TMEM74: variants seen among roughly 807,000 people sequenced by gnomAD.
The protein encoded by TMEM74 is transmembrane protein 74.
In TMEM74, 13 loss-of-function variants were observed where a neutral mutation model predicts 18.1. The ratio of observed to expected loss-of-function variants is 0.72; its 90% CI spans 0.47 to 1.14. TMEM74 has a LOEUF of 1.14. Among genes scored for constraint, TMEM74 ranks in the 50% most tolerant of loss-of-function variants. The pLI is 0.00. For synonymous variants in TMEM74, 159 were observed against 146.6 expected, an observed-to-expected ratio of 1.08 and a Z score of -0.61; for missense variants, 372 against 375.9, an observed-to-expected ratio of 0.99 and a Z score of 0.09.
intron 1 of TMEM74, among the ~76,000 whole-genome samples, chr8:108,766,329 T>C (rs900104608): frequency 2.0e-5 from 3 of 152,288 alleles, no homozygotes; most frequent in Non-Finnish European, 2.9e-5. Flanking sequence ...GGGAATGTTC[T>C]TTGTAGAGGC....
intron 1 of TMEM74, among the ~76,000 whole-genome samples, chr8:108,715,291 G>A (rs1813512580): frequency 1.3e-5 from 2 of 151,728 alleles, no homozygotes; most frequent in South Asian, 2.1e-4. Context: ...GGAGGGAGGC[G>A]AGGGCTAAAA....
rs967670235 is a variant in TMEM74 at position 108,781,311 on chromosome 8, C to A, written c.*2870G>T. 6.6e-6 allele frequency among the ~76,000 whole-genome samples: 1 copy of A among 152,146 alleles called. No homozygotes were observed. Among genetic ancestry groups the A allele is most frequent in the Non-Finnish European group, 1.5e-5 (1 of 68,030 alleles). On this transcript the variant is annotated 3_prime_UTR_variant, in exon 2 of 2. Coordinates refer to ENST00000297459, the MANE Select transcript of TMEM74 (RefSeq NM_153015.3). The stretch of plus-strand genomic sequence containing the variant: ...AGACCAAAACTATAGGTATTGTATG[C>A]CCAATGTCTATAGAATGCATCACCT...
At chr8:108,633,438 G>A (rs73702117) in intron 2 of TMEM74, among the ~76,000 whole-genome samples, 3,107 of 151,972 alleles carry the variant, frequency 0.02, 102 homozygotes, top group African/African-American at 0.071. Flanking sequence ...TAGGTTGGTT[G>A]GTAATGAATA....
intron 2 of TMEM74, among the ~76,000 whole-genome samples, chr8:108,609,973 A>T (rs1301901465): frequency 6.6e-6 from 1 of 152,230 alleles, no homozygotes; most frequent in Admixed American, 6.5e-5. Flanking sequence ...GAAGAAAGAT[A>T]GTAAGAAAAT....
chr8:108,676,766 C>T (rs1201204037), intron 1 of TMEM74, among the ~76,000 whole-genome samples: 2 of 152,118 alleles, frequency 1.3e-5, no homozygotes, highest in Non-Finnish European at 2.9e-5. Context: ...AAAATCTCAC[C>T]TGCAACAATG....
At chr8:108,681,156 GA>G (rs1331400717) in intron 1 of TMEM74, among the ~76,000 whole-genome samples, 2 of 152,094 alleles carry the variant, frequency 1.3e-5, no homozygotes, top group African/African-American at 4.8e-5. Context: ...CACAGAATTG[GA>G]AAAAACTACT....
chr8:108,652,950 A>C (rs993603850), intron 2 of TMEM74: 1 of 299,144 alleles, frequency 3.3e-6, no homozygotes, highest in East Asian at 9.6e-5. Context: ...GACTTGCTAG[A>C]CATAAAAGAA....
chr8:108,712,250 A>C (rs1813482109), intron 1 of TMEM74, among the ~76,000 whole-genome samples: 1 of 152,090 alleles, frequency 6.6e-6, no homozygotes, highest in East Asian at 1.9e-4. Context: ...TCCAATGCCA[A>C]CTCTTTAGGG....
intron 1 of TMEM74, among the ~76,000 whole-genome samples, chr8:108,682,522 G>T (rs1813126220): frequency 2.6e-5 from 4 of 151,956 alleles, no homozygotes; most frequent in Admixed American, 2.6e-4. Context: ...TAGCAACCAT[G>T]TTTATTTGGT....
chr8:108,699,725 T>A (rs938398991), intron 1 of TMEM74, among the ~76,000 whole-genome samples: 3 of 152,178 alleles, frequency 2.0e-5, no homozygotes, highest in Non-Finnish European at 4.4e-5. Flanking sequence ...TCTTAAGCAC[T>A]TAAAATATTG....
intron 1 of TMEM74, among the ~76,000 whole-genome samples, chr8:108,703,882 A>G (rs931152275): frequency 5.9e-5 from 9 of 152,202 alleles, no homozygotes; most frequent in Non-Finnish European, 1.3e-4. Context: ...ACCAAACTCA[A>G]GAAAGAGTTC....
chr8:108,676,525 A>G (rs1356995473), intron 1 of TMEM74, among the ~76,000 whole-genome samples: 1 of 152,168 alleles, frequency 6.6e-6, no homozygotes, highest in African/African-American at 2.4e-5. Flanking sequence ...TCTCACATGT[A>G]AACTTCCCAG....
chr8:108,669,350 G>A (rs1478487138), intron 1 of TMEM74, among the ~76,000 whole-genome samples: 4 of 152,102 alleles, frequency 2.6e-5, no homozygotes, highest in South Asian at 2.1e-4. Flanking sequence ...TTATCCTGCC[G>A]AGCACGTTAC....
At chr8:108,773,292 G>A (rs1453973954) in intron 1 of TMEM74, among the ~76,000 whole-genome samples, 1 of 151,846 alleles carries the variant, frequency 6.6e-6, no homozygotes, top group Non-Finnish European at 1.5e-5. Context: ...ATTTTTTAAA[G>A]ATCAAATTCA....
intron 1 of TMEM74, among the ~76,000 whole-genome samples, chr8:108,762,576 C>T (rs1814057704): frequency 6.6e-6 from 1 of 152,126 alleles, no homozygotes; most frequent in African/African-American, 2.4e-5. Flanking sequence ...ATCTTGTCAC[C>T]AGTCAAGCTT....
intron 1 of TMEM74, among the ~76,000 whole-genome samples, chr8:108,711,971 A>G (rs886596606): frequency 1.3e-5 from 2 of 152,086 alleles, no homozygotes; most frequent in Non-Finnish European, 2.9e-5. Flanking sequence ...CTGGAGGCAG[A>G]GGGAAGCTTG....
chr8:108,694,841 G>A (rs140704075), intron 1 of TMEM74, among the ~76,000 whole-genome samples: 1 of 152,228 alleles, frequency 6.6e-6, no homozygotes, highest in Non-Finnish European at 1.5e-5. Flanking sequence ...CCACAGGCAG[G>A]TGGCTGGGAA....
intron 2 of TMEM74, among the ~76,000 whole-genome samples, chr8:108,646,621 T>C (rs539909212): frequency 6.6e-6 from 1 of 152,316 alleles, no homozygotes; most frequent in Admixed American, 6.5e-5. Flanking sequence ...GTTATTGTTG[T>C]TAAACTGTGA....
chr8:108,744,494 A>C (rs368174181), intron 1 of TMEM74, among the ~76,000 whole-genome samples: 19 of 152,318 alleles, frequency 1.2e-4, no homozygotes, highest in African/African-American at 4.6e-4. Flanking sequence ...GGTATGAAGA[A>C]GGGCAGGTAG....
Sources: allele counts gnomAD v4.1 joint callset (sites outside exome capture counted in the v4.1 genomes callset), GRCh38; gene constraint gnomAD v4.1.1; transcripts MANE v1.5; gene names NCBI Gene and HGNC (gene_info 2026-07-23, HGNC 2026-07-21).